CCDC13: variants seen among roughly 807,000 people sequenced by gnomAD.
CCDC13 encodes the protein coiled-coil domain-containing protein 13.
CCDC13 carries 70 observed loss-of-function variants against 87.3 expected under a neutral mutation model. The observed-to-expected ratio is 0.80, with a 90% CI of 0.66 to 0.98. The LOEUF is 0.98. Among genes scored for constraint, CCDC13 ranks in the 50% least tolerant of loss-of-function variants. The probability of loss-of-function intolerance (pLI) is 0.00; values close to 1 mark genes in which losing one functional copy is unlikely to be tolerated. For synonymous variants in CCDC13, 317 were observed against 360.3 expected (o/e 0.88, Z 1.36); for missense variants, 842 against 892.0 (o/e 0.94, Z 0.71).
At chr3:42,755,190 G>C (rs1419768280) in intron 3 of CCDC13, among the ~76,000 whole-genome samples, 1 of 152,108 alleles carries the variant, frequency 6.6e-6, no homozygotes, top group Non-Finnish European at 1.5e-5. Flanking sequence ...GTAATCACTA[G>C]ATCACTAAAA....
At position 42,733,583 on chromosome 3, in the gene CCDC13, C is replaced by G. The variant is rs763058138; in HGVS notation, c.1398G>C (p.Glu466Asp). Residue 466 changes from glutamate to aspartate, a missense_variant, in exon 11 of 16, where the codon GAG becomes GAC. By Grantham distance (45) the Glu-to-Asp change is conservative. Coordinates refer to ENST00000310232, the MANE Select transcript of CCDC13 (RefSeq NM_144719.4). ...GGCTGACCTCGCGGCCACTGGACCC[C>G]TCACCCACTCCTTTATTCCGAAGAT... Reference protein sequence around the residue: ...VHYLRNKGVGEGSSGREVSPA... With the variant: ...VHYLRNKGVGDGSSGREVSPA... 1.1e-5 allele frequency: 18 copies of G among 1,611,572 alleles called. No individual in the cohort carries two copies. Among genetic ancestry groups the G allele is most frequent in the Non-Finnish European group, 1.5e-5 (18 of 1,178,882 alleles).
At chr3:42,755,866 T>A (rs1452045871) in intron 3 of CCDC13, among the ~76,000 whole-genome samples, 1 of 152,114 alleles carries the variant, frequency 6.6e-6, no homozygotes, top group Non-Finnish European at 1.5e-5. Flanking sequence ...TGGAGATGTA[T>A]CTCCTGCTCC....
intron 13 of CCDC13, among the ~76,000 whole-genome samples, chr3:42,727,353 CAGAG>C (rs1452059820): frequency 6.6e-6 from 1 of 151,838 alleles, no homozygotes; most frequent in Non-Finnish European, 1.5e-5. Context: ...GCCTGGGTGA[CAGAG>C]AGAGACTCGG....
rs754354098 is a variant in CCDC13, at chr3:42,735,716, G to T, written c.1362C>A (p.Leu454=). ...CCAGTGCCCTACTCACGTGCACATT[G>T]AGTTGTCCGATCTCCATCTCCAGCT... ...VRQLEMEIGQ[L]NVHYLRNKGV... is the part of the protein sequence containing the mutation. The change falls in exon 10 of 16, where the codon CTC becomes CTA. Residue 454 remains leucine (L), a synonymous_variant. Transcript: ENST00000310232. 6.2e-7 allele frequency: 1 copy of T among 1,614,152 alleles called. No homozygotes were observed. The highest frequency in any genetic ancestry group is 8.5e-7 in the Non-Finnish European group (1 of 1,180,026).
chr3:42,716,565 T>C (rs1412514498), intron 13 of CCDC13, among the ~76,000 whole-genome samples: 1 of 152,130 alleles, frequency 6.6e-6, no homozygotes, highest in Non-Finnish European at 1.5e-5. Flanking sequence ...AATATACAAA[T>C]GTCCAATAAG....
chr3:42,733,358 T>C (rs1488498753), intron 11 of CCDC13, 112 bp downstream of exon 11: 4 of 1,305,160 alleles, frequency 3.1e-6, no homozygotes, highest in Admixed American at 1.8e-5. Flanking sequence ...AACAACAGCA[T>C]AGTCATCTTA....
At chr3:42,749,222 C>T (rs934135671) in intron 5 of CCDC13, among the ~76,000 whole-genome samples, 4 of 152,180 alleles carry the variant, frequency 2.6e-5, no homozygotes, top group Non-Finnish European at 5.9e-5. Context: ...TGCCACGCCC[C>T]GCCCTGCCTG....
chr3:42,732,833 G>A (rs986465452), intron 12 of CCDC13, 54 bp downstream of exon 12: 9 of 1,451,986 alleles, frequency 6.2e-6, no homozygotes, highest in Middle Eastern at 1.7e-4. Context: ...AATACTGGTT[G>A]AGCAATCAAG....
intron 8 of CCDC13, among the ~76,000 whole-genome samples, chr3:42,741,405 T>C (rs1189314499): frequency 1.3e-5 from 2 of 152,094 alleles, no homozygotes; most frequent in Non-Finnish European, 2.9e-5. Flanking sequence ...ATGTGACCTT[T>C]CCAAAATGCA....
chr3:42,763,457 T>G (rs1699874306), intron 1 of CCDC13, among the ~76,000 whole-genome samples: 1 of 151,954 alleles, frequency 6.6e-6, no homozygotes, highest in South Asian at 2.1e-4. Flanking sequence ...AGATTTCCAG[T>G]GTCAACAAAA....
rs953378073 is a variant in CCDC13 at position 42,708,011 on chromosome 3, G to A, written c.*969C>T. Among the ~76,000 whole-genome samples the A allele has an allele frequency of 2.0e-5, 3 of 152,178 alleles. No homozygotes were observed. The highest frequency in any genetic ancestry group is 7.2e-5 in the African/African-American group (3 of 41,436). Reference sequence around the variant, plus strand: ...AGCATCCCTCCAAGTTCACCATGGCGAGGGAGGTGCACTGTACCTTTGACT... The same window carrying A: ...AGCATCCCTCCAAGTTCACCATGGCAAGGGAGGTGCACTGTACCTTTGACT... On this transcript the variant is annotated 3_prime_UTR_variant, in exon 16 of 16. Transcript: ENST00000310232.
intron 13 of CCDC13, among the ~76,000 whole-genome samples, chr3:42,724,745 T>G (rs1253225792): frequency 6.6e-6 from 1 of 152,224 alleles, no homozygotes; most frequent in Non-Finnish European, 1.5e-5. Context: ...CAATGTGAAG[T>G]GAAGAATATT....
rs1294693663 is a variant in CCDC13 at position 42,758,190 on chromosome 3, C to T, written c.156G>A (p.Glu52=). 6.2e-7 allele frequency: 1 copy of T among 1,614,128 alleles called. No homozygotes were observed. Among genetic ancestry groups the T allele is most frequent in the South Asian group, 1.1e-5 (1 of 91,078 alleles). ...SRADDQEEPL[E]VSDGLSLLHA... ...GGAGAAGGCTGAGGCCATCTGAAAC[C>T]TCCAAGGGCTCCTCTTGGTCGTCAG... Residue 52 remains glutamate, a synonymous_variant, in exon 2 of 16, where the codon GAG becomes GAA. Transcript: ENST00000310232.
intron 13 of CCDC13, among the ~76,000 whole-genome samples, chr3:42,716,097 T>G (rs1698425486): frequency 6.6e-6 from 1 of 152,178 alleles, no homozygotes; most frequent in African/African-American, 2.4e-5. Flanking sequence ...TTTTTTTGAG[T>G]GCTTTCCACA....
At chr3:42,769,650 G>T (rs1001667845) in intron 1 of CCDC13, among the ~76,000 whole-genome samples, 17 of 152,378 alleles carry the variant, frequency 1.1e-4, no homozygotes, top group African/African-American at 3.1e-4. Context: ...TGCACTGTGG[G>T]AGACCCTCTC....
chr3:42,737,025 T>C (rs187694649), intron 9 of CCDC13, among the ~76,000 whole-genome samples: 10 of 152,296 alleles, frequency 6.6e-5, no homozygotes, highest in Non-Finnish European at 1.2e-4. Flanking sequence ...CAACTCATCA[T>C]TTACATTAGG....
At chr3:42,757,286 G>C (rs1699725644) in intron 2 of CCDC13, 72 bp from the exon 3 acceptor site, 1 of 1,445,500 alleles carries the variant, frequency 6.9e-7, no homozygotes, top group Non-Finnish European at 9.4e-7. Context: ...GGCCTCCACT[G>C]CCTAGGTGGA....
At position 42,713,152 on chromosome 3, in the gene CCDC13, T is replaced by C. The variant is rs1258602320; in HGVS notation, c.1873+10A>G. ...ACCCCCTGCACTGAGACTACTGCCC[T>C]GGCCCCTACCTGTTTTGGTCCTGGG... On this transcript the variant is annotated intron_variant, in intron 14 of 15. Coordinates refer to ENST00000310232, the MANE Select transcript of CCDC13 (RefSeq NM_144719.4). 2 of 1,613,064 alleles carry C rather than the reference T, an allele frequency of 1.2e-6. No individual in the cohort carries two copies. Among genetic ancestry groups the C allele is most frequent in the Admixed American group, 3.3e-5 (2 of 59,926 alleles).
At position 42,713,151 on chromosome 3, in the gene CCDC13, C is replaced by T. The variant is rs1226273822; in HGVS notation, c.1873+11G>A. 6.2e-7 allele frequency: 1 copy of T among 1,613,016 alleles called. No homozygotes were observed. ...CACCCCCTGCACTGAGACTACTGCC[C>T]TGGCCCCTACCTGTTTTGGTCCTGG... On this transcript the variant is annotated intron_variant, in intron 14 of 15. Transcript: ENST00000310232.
Sources: gnomAD v4.1 joint callset for allele counts (sites outside exome capture counted in the v4.1 genomes callset) on GRCh38, gnomAD v4.1.1 for gene constraint, MANE v1.5 for transcripts, NCBI Gene and HGNC (gene_info 2026-07-23, HGNC 2026-07-21) for gene names.